MAPRE2: variants seen among roughly 807,000 people sequenced by gnomAD.
MAPRE2 encodes microtubule-associated protein RP/EB family member 2.
Under a neutral mutation model 43.2 loss-of-function variants are expected in MAPRE2, and 13 were observed. That is an observed-to-expected ratio of 0.30 (90% CI 0.20 to 0.48). The LOEUF (loss-of-function observed/expected upper bound fraction) is 0.48. Ranked by LOEUF, MAPRE2 falls within the 20% of genes least tolerant of loss-of-function variation. The probability of loss-of-function intolerance (pLI) is 0.99; values close to 1 mark genes in which losing one functional copy is unlikely to be tolerated. For missense variants in MAPRE2, 161 were observed against 400.2 expected (o/e 0.40, Z 5.10); for synonymous variants, 135 against 148.8 (o/e 0.91, Z 0.68).
intron 4 of MAPRE2, among the ~76,000 whole-genome samples, chr18:35,112,540 G>C (rs1413495352): frequency 6.6e-6 from 1 of 152,132 alleles, no homozygotes; most frequent in African/African-American, 2.4e-5. Flanking sequence ...TTCATATTAA[G>C]AAACTATCCC....
At chr18:34,986,928 T>C (rs2097021292) in intron 1 of MAPRE2, among the ~76,000 whole-genome samples, 1 of 152,184 alleles carries the variant, frequency 6.6e-6, no homozygotes, top group Non-Finnish European at 1.5e-5. Flanking sequence ...ACTTTTATGA[T>C]ACAATAGATT....
At chr18:35,089,131 T>A (rs1451509585) in intron 2 of MAPRE2, among the ~76,000 whole-genome samples, 1 of 152,212 alleles carries the variant, frequency 6.6e-6, no homozygotes, top group African/African-American at 2.4e-5. Flanking sequence ...GCAGCAGGAA[T>A]GACTCAGTGA....
At chr18:35,015,879 G>A (rs573015364) in intron 2 of MAPRE2, among the ~76,000 whole-genome samples, 26 of 152,024 alleles carry the variant, frequency 1.7e-4, no homozygotes, top group Admixed American at 1.2e-3. Flanking sequence ...GCACGATGCT[G>A]ACGTTTTGGG....
At chr18:35,128,695 A>G (rs1910013222) in intron 5 of MAPRE2, among the ~76,000 whole-genome samples, 1 of 152,186 alleles carries the variant, frequency 6.6e-6, no homozygotes, top group African/African-American at 2.4e-5. Flanking sequence ...AGTTCCTCTC[A>G]GATACCAAGG....
chr18:35,022,693 G>A (rs1481293937), intron 2 of MAPRE2, among the ~76,000 whole-genome samples: 3 of 152,132 alleles, frequency 2.0e-5, no homozygotes, highest in African/African-American at 7.2e-5. Flanking sequence ...AAGCTTAGAA[G>A]CAATCTGTGT....
intron 2 of MAPRE2, 71 bp downstream of exon 2, chr18:35,070,393 C>G (rs1225479514): frequency 1.5e-6 from 2 of 1,338,352 alleles, no homozygotes; most frequent in South Asian, 1.8e-5. Flanking sequence ...TTTTATGAAC[C>G]ACAGCTGCTA....
chr18:35,095,483 G>C (rs541453717), intron 2 of MAPRE2, among the ~76,000 whole-genome samples: 150 of 149,936 alleles, frequency 1.0e-3, no homozygotes, highest in African/African-American at 3.4e-3. Flanking sequence ...GATGACACTA[G>C]AGATGATTTT....
intron 1 of MAPRE2, among the ~76,000 whole-genome samples, chr18:35,068,509 G>T (rs1906948446): frequency 6.6e-6 from 1 of 152,130 alleles, no homozygotes; most frequent in Non-Finnish European, 1.5e-5. Context: ...TAAGTCCATG[G>T]ATTCATAATT....
chr18:35,077,292 A>G (rs189353689), intron 2 of MAPRE2, among the ~76,000 whole-genome samples: 2,143 of 151,582 alleles, frequency 0.014, 48 homozygotes, highest in African/African-American at 0.049. Context: ...CACACACACA[A>G]TTGGTACAAA....
upstream of MAPRE2, among the ~76,000 whole-genome samples, chr18:35,037,641 C>T (rs530956069): frequency 6.7e-5 from 10 of 149,406 alleles, no homozygotes; most frequent in East Asian, 5.9e-4. Flanking sequence ...CACAGTCATA[C>T]GTACAAACAC....
intron 6 of MAPRE2, among the ~76,000 whole-genome samples, chr18:35,135,527 T>TG (rs1487273722): frequency 6.6e-5 from 10 of 152,134 alleles, no homozygotes; most frequent in Non-Finnish European, 4.4e-5. Flanking sequence ...AGTCCTACAC[T>TG]GGGGGAGTGA....
intron 1 of MAPRE2, among the ~76,000 whole-genome samples, chr18:34,993,198 G>A (rs556620646): frequency 2.0e-5 from 3 of 151,730 alleles, no homozygotes; most frequent in East Asian, 1.9e-4. Flanking sequence ...TCAAACTCCC[G>A]GGCTCAAGTG....
At chr18:35,065,843 C>T (rs1237616673) in intron 1 of MAPRE2, among the ~76,000 whole-genome samples, 5 of 152,180 alleles carry the variant, frequency 3.3e-5, no homozygotes, top group Admixed American at 3.3e-4. Flanking sequence ...CATGAGCCAC[C>T]GCGCCTGGCC....
chr18:35,094,388 T>G (rs1321406577), intron 2 of MAPRE2, among the ~76,000 whole-genome samples: 1 of 152,184 alleles, frequency 6.6e-6, no homozygotes, highest in Non-Finnish European at 1.5e-5. Context: ...GAGGGGAAAT[T>G]ATTCTATAGA....
chr18:34,999,730 G>A (rs901270516), intron 1 of MAPRE2, among the ~76,000 whole-genome samples: 4 of 152,184 alleles, frequency 2.6e-5, no homozygotes, highest in African/African-American at 9.7e-5. Context: ...AGAAGAATGA[G>A]TTGTACCAGA....
chr18:35,009,281 T>C (rs920909883), intron 2 of MAPRE2, among the ~76,000 whole-genome samples: 7 of 152,134 alleles, frequency 4.6e-5, no homozygotes, highest in Non-Finnish European at 7.3e-5. Context: ...AGCTATTCAT[T>C]CCATAAACAT....
intron 4 of MAPRE2, among the ~76,000 whole-genome samples, chr18:35,126,230 T>C (rs535787813): frequency 6.6e-6 from 1 of 152,244 alleles, no homozygotes; most frequent in South Asian, 2.1e-4. Context: ...ATGAAGCTAT[T>C]GTTCTTCCTG....
chr18:35,006,907 G>A (rs1173088339), intron 2 of MAPRE2, among the ~76,000 whole-genome samples: 1 of 152,238 alleles, frequency 6.6e-6, no homozygotes, highest in Non-Finnish European at 1.5e-5. Flanking sequence ...AGGTTGCAGT[G>A]AGCCAAGATC....
intron 5 of MAPRE2, among the ~76,000 whole-genome samples, chr18:35,127,960 C>T (rs1909980296): frequency 6.6e-6 from 1 of 152,206 alleles, no homozygotes; most frequent in African/African-American, 2.4e-5. Context: ...GCCTTTTATC[C>T]TGGCTACCCT....
Sources: gnomAD v4.1 joint callset for allele counts (sites outside exome capture counted in the v4.1 genomes callset) on GRCh38, gnomAD v4.1.1 for gene constraint, MANE v1.5 for transcripts, NCBI Gene and HGNC (gene_info 2026-07-23, HGNC 2026-07-21) for gene names.